RNASET2: variants seen among roughly 807,000 people sequenced by gnomAD.
RNASET2 encodes the protein ribonuclease 6.
In RNASET2, 28 loss-of-function variants were observed where a neutral mutation model predicts 33.9. The observed-to-expected ratio is 0.83, with a 90% CI of 0.61 to 1.13. The LOEUF (loss-of-function observed/expected upper bound fraction) is 1.13, where lower values mean the gene tolerates loss of function less well. RNASET2 is among the 50% of genes most tolerant of loss of function. The pLI, the probability that RNASET2 is intolerant of heterozygous loss-of-function variation, is 0.00. For synonymous variants in RNASET2, 123 were observed against 121.0 expected, an observed-to-expected ratio of 1.02 and a Z score of -0.11; for missense variants, 330 against 319.9, an observed-to-expected ratio of 1.03 and a Z score of -0.24.
At chr6:166,955,878 TC>T in intron 1 of RNASET2, 4 of 675,198 alleles carry the variant, frequency 5.9e-6, no homozygotes, top group Non-Finnish European at 7.1e-6. Context: ...TGCTAAGGGC[TC>T]CCCCCAACCC....
At chr6:166,955,277 A>G (rs1473534581) in intron 1 of RNASET2, among the ~76,000 whole-genome samples, 27 of 80,244 alleles carry the variant, frequency 3.4e-4, no homozygotes, top group Middle Eastern at 5.3e-3. Context: ...ACACGCGCAC[A>G]CACGACACAC....
intron 1 of RNASET2, among the ~76,000 whole-genome samples, chr6:166,954,482 G>C (rs139511788): frequency 3.5e-4 from 53 of 152,304 alleles, no homozygotes; most frequent in Admixed American, 3.4e-3. Flanking sequence ...TTACAGATGA[G>C]GAAACTGGGG....
At chr6:166,955,969 C>T in intron 1 of RNASET2, 128 bp downstream of exon 1, 2 of 1,119,578 alleles carry the variant, frequency 1.8e-6, no homozygotes, top group South Asian at 1.4e-5. Flanking sequence ...TGCTCGGCTC[C>T]CCCCGCCCTC....
chr6:166,934,790 T>C (rs563967832), intron 6 of RNASET2: 1 of 152,906 alleles, frequency 6.5e-6, no homozygotes, highest in South Asian at 2.1e-4. Context: ...CACTCCAAGA[T>C]GTTCACATGA....
rs1392731497 is a variant in RNASET2 at position 166,928,017 on chromosome 6, T to C, written c.*1571A>G. Among the ~76,000 whole-genome samples, 3 of 152,236 alleles carry C rather than the reference T, an allele frequency of 2.0e-5. No individual in the cohort carries two copies. Among genetic ancestry groups the C allele is most frequent in the African/African-American group, 7.2e-5 (3 of 41,460 alleles). On this transcript the variant is annotated 3_prime_UTR_variant, in exon 9 of 9. Coordinates refer to ENST00000508775, the MANE Select transcript of RNASET2 (RefSeq NM_003730.6). ...GGGACCCTGGACCCTTGGGCTCCGC[T>C]AGCCTTCCCCACAGCTTGCAGAAGA...
intron 1 of RNASET2, 152 bp from the exon 2 acceptor site, chr6:166,952,700 G>A (rs1218430542): frequency 1.9e-5 from 13 of 683,948 alleles, no homozygotes; most frequent in Non-Finnish European, 3.2e-5. Context: ...ACACTCCCGT[G>A]AGGAAGGCGG....
chr6:166,943,635 C>T (rs1234549904), intron 4 of RNASET2: 2 of 384,338 alleles, frequency 5.2e-6, no homozygotes, highest in East Asian at 1.7e-4. Flanking sequence ...TGCATTTGTC[C>T]AAAGCCGCAC....
In RNASET2 at chr6:166,956,214, T is replaced by A. The variant is rs886061243; in HGVS notation, c.-32A>T. The A allele has an allele frequency of 2.6e-6, 4 of 1,534,626 alleles. No individual in the cohort carries two copies. The highest frequency in any genetic ancestry group is 4.9e-5 in the East Asian group (2 of 40,784). ...GACCTGCGGAGAGAACGCTGCCAGCTGCCGCTCCGGCTCCCACTTCCCACC... is the reference window on the plus strand; with the variant it reads ...GACCTGCGGAGAGAACGCTGCCAGCAGCCGCTCCGGCTCCCACTTCCCACC... On this transcript the variant is annotated 5_prime_UTR_variant, in exon 1 of 9. Coordinates refer to ENST00000508775, the MANE Select transcript of RNASET2 (RefSeq NM_003730.6).
chr6:166,938,419 C>T (rs909191905), intron 6 of RNASET2, among the ~76,000 whole-genome samples: 4 of 152,010 alleles, frequency 2.6e-5, no homozygotes, highest in African/African-American at 7.2e-5. Context: ...CAGGCAGGGA[C>T]GATTTAGGCA....
At chr6:166,953,975 A>T (rs1779047860) in intron 1 of RNASET2, among the ~76,000 whole-genome samples, 1 of 152,064 alleles carries the variant, frequency 6.6e-6, no homozygotes, top group Non-Finnish European at 1.5e-5. Context: ...CATAGTCGGA[A>T]CCTGAGGCTG....
At chr6:166,931,202 G>T in intron 7 of RNASET2, 84 bp from the exon 8 acceptor site, 1 of 988,580 alleles carries the variant, frequency 1.0e-6, no homozygotes, top group Non-Finnish European at 1.6e-6. Context: ...CGCAACAGTG[G>T]CAGGGTCCTG....
chr6:166,934,580 G>A, intron 6 of RNASET2: 1 of 217,940 alleles, frequency 4.6e-6, no homozygotes, highest in Non-Finnish European at 9.3e-6. Flanking sequence ...CATGTACGAG[G>A]GCGGTCCCAT....
chr6:166,955,155 CT>C (rs1779076521), intron 1 of RNASET2, among the ~76,000 whole-genome samples: 1 of 150,876 alleles, frequency 6.6e-6, no homozygotes, highest in Admixed American at 6.6e-5. Flanking sequence ...CTGTTTACCC[CT>C]AATTAATTTG....
Position 166,955,325 on chromosome 6 carries a change from ACG to A in RNASET2, c.86+770_86+771del, listed in dbSNP as rs1351707658. 2.0e-4 allele frequency among the ~76,000 whole-genome samples: 14 copies of A among 68,646 alleles called. No individual in the cohort carries two copies. The East Asian group carries it at 4.8e-3, about 24-fold the overall frequency. 45.0% of individuals were successfully genotyped at this position (68,646 alleles called of 152,430 possible). On this transcript the variant is annotated intron_variant, in intron 1 of 8. Coordinates refer to ENST00000508775, the MANE Select transcript of RNASET2 (RefSeq NM_003730.6). ...GCACACACGACACACACGCACACAC[ACG>A]CACGCACGCACACGCACACGCACGC... is the stretch of plus-strand genomic sequence containing the variant.
intron 6 of RNASET2, among the ~76,000 whole-genome samples, chr6:166,935,289 ATAT>A (rs1318788821): frequency 1.3e-5 from 2 of 152,112 alleles, no homozygotes; most frequent in East Asian, 3.9e-4. Context: ...TATTTTTGAT[ATAT>A]TGAGTTTAAT....
At chr6:166,936,196 C>T (rs1310404272) in intron 6 of RNASET2, among the ~76,000 whole-genome samples, 1 of 152,182 alleles carries the variant, frequency 6.6e-6, no homozygotes, top group Non-Finnish European at 1.5e-5. Flanking sequence ...CTCAGTAGTG[C>T]TTTGCCCTGG....
chr6:166,929,448 A>G lies in RNASET2; in HGVS notation c.*140T>C. The G allele has an allele frequency of 2.2e-6, 2 of 898,658 alleles. No individual in the cohort carries two copies. Among genetic ancestry groups the G allele is most frequent in the Admixed American group, 1.8e-5 (1 of 57,070 alleles). The allele number at this position is 898,658 out of a possible 1,614,324, so 55.7% of individuals were successfully genotyped here. On this transcript the variant is annotated 3_prime_UTR_variant, in exon 9 of 9. Coordinates refer to ENST00000508775, the MANE Select transcript of RNASET2 (RefSeq NM_003730.6). Reference sequence around the variant, plus strand: ...TGTACGCCACATGCACTCACTCTACAGGGACCACAACATCCAATTCACAGG... The same window carrying G: ...TGTACGCCACATGCACTCACTCTACGGGGACCACAACATCCAATTCACAGG...
intron 8 of RNASET2, among the ~76,000 whole-genome samples, chr6:166,930,721 C>A (rs545681421): frequency 6.6e-6 from 1 of 151,698 alleles, no homozygotes; most frequent in African/African-American, 2.4e-5. Flanking sequence ...TACATGCACA[C>A]ACAGCACATG....
chr6:166,923,228 C>CTTTTTTTTCTTTTTTTTTTTTTTTTT lies in RNASET2; in HGVS notation c.*6359_*6360insAAAAAAAAAAAAAAAAAGAAAAAAAA, dbSNP rs1778258690. On this transcript the variant is annotated 3_prime_UTR_variant, in exon 9 of 9. Transcript: ENST00000508775. ...ACAGGCGTGAGCCACCAGGCCCGGC[C>CTTTTTTTTCTTTTTTTTTTTTTTTTT]TTTTTTTTTTTTTTTTTTTTTGAGA... Among the ~76,000 whole-genome samples, 1 of 102,672 alleles carries CTTTTTTTTCTTTTTTTTTTTTTTTTT rather than the reference C, an allele frequency of 9.7e-6. No individual in the cohort carries two copies. Among genetic ancestry groups the CTTTTTTTTCTTTTTTTTTTTTTTTTT allele is most frequent in the Non-Finnish European group, 1.8e-5 (1 of 54,584 alleles). The allele number at this position is 102,672 out of a possible 152,430, so 67.4% of individuals were successfully genotyped here. A position where few individuals can be genotyped will look rare whatever the true frequency, so the allele number is the denominator to read the frequency against.
Sources: allele counts gnomAD v4.1 joint callset (sites outside exome capture counted in the v4.1 genomes callset), GRCh38; gene constraint gnomAD v4.1.1; transcripts MANE v1.5; gene names NCBI Gene and HGNC (gene_info 2026-07-23, HGNC 2026-07-21).